Variants in BAALC observed in about 807,000 individuals in gnomAD.
BAALC encodes brain and acute leukemia cytoplasmic protein.
Under a neutral mutation model 15.5 loss-of-function variants are expected in BAALC, and 9 were observed. The observed-to-expected ratio is 0.58, with a 90% CI of 0.35 to 1.02. The LOEUF (loss-of-function observed/expected upper bound fraction) is 1.02. Ranked by LOEUF, BAALC falls within the 50% of genes least tolerant of loss-of-function variation. The probability of loss-of-function intolerance (pLI) is 0.02; values close to 1 mark genes in which losing one functional copy is unlikely to be tolerated. For missense variants in BAALC, 201 were observed against 192.4 expected (o/e 1.04, Z -0.27); for synonymous variants, 80 against 74.6 (o/e 1.07, Z -0.37).
At chr8:103,158,876 C>T (rs1811160787) in intron 1 of BAALC, among the ~76,000 whole-genome samples, 1 of 152,008 alleles carries the variant, frequency 6.6e-6, no homozygotes, top group Admixed American at 6.6e-5. Context: ...ATGGAACCTG[C>T]AGGGAGGGAG....
At chr8:103,171,612 T>G (rs1291940770) in intron 1 of BAALC, among the ~76,000 whole-genome samples, 1 of 152,200 alleles carries the variant, frequency 6.6e-6, no homozygotes. Context: ...GCAGTTGCCC[T>G]GGGGCTATAG....
intron 1 of BAALC, among the ~76,000 whole-genome samples, chr8:103,151,093 C>T (rs1000573214): frequency 1.3e-5 from 2 of 151,348 alleles, no homozygotes; most frequent in African/African-American, 2.4e-5. Flanking sequence ...TCTTAGCTCA[C>T]TGCAACCTCT....
At chr8:103,193,740 C>A (rs775545789) in intron 1 of BAALC, among the ~76,000 whole-genome samples, 1 of 152,146 alleles carries the variant, frequency 6.6e-6, no homozygotes, top group Non-Finnish European at 1.5e-5. Context: ...GTAAATATGG[C>A]ACATGGTCAA....
intron 1 of BAALC, among the ~76,000 whole-genome samples, chr8:103,146,467 G>A (rs573879331): frequency 6.6e-6 from 1 of 152,312 alleles, no homozygotes; most frequent in Admixed American, 6.5e-5. Context: ...GTCTGCTTCC[G>A]TCAAGGATGA....
chr8:103,223,316 A>G (rs1478112981), intron 2 of BAALC, among the ~76,000 whole-genome samples: 1 of 106,406 alleles, frequency 9.4e-6, no homozygotes, highest in Non-Finnish European at 2.4e-5. Flanking sequence ...AAACAAAACA[A>G]AACAAACAAA....
intron 1 of BAALC, among the ~76,000 whole-genome samples, chr8:103,159,077 A>AG (rs1278282641): frequency 6.6e-6 from 1 of 152,204 alleles, no homozygotes; most frequent in Non-Finnish European, 1.5e-5. Context: ...AATTGAAAAA[A>AG]GTTTCTGTAT....
intron 1 of BAALC, among the ~76,000 whole-genome samples, chr8:103,162,052 C>T (rs1014003325): frequency 6.6e-6 from 1 of 152,166 alleles, no homozygotes; most frequent in Non-Finnish European, 1.5e-5. Context: ...CCTTGATCTC[C>T]TAGTCTCAAG....
chr8:103,215,023 T>C (rs1812527222), intron 2 of BAALC: 1 of 152,216 alleles, frequency 6.6e-6, no homozygotes, highest in Non-Finnish European at 1.5e-5. Context: ...CAGGCCCAGA[T>C]ATTTGTCTTC....
chr8:103,218,873 CAG>C (rs1812618423), intron 2 of BAALC, among the ~76,000 whole-genome samples: 1 of 152,158 alleles, frequency 6.6e-6, no homozygotes, highest in African/African-American at 2.4e-5. Context: ...TGAAGGTCCA[CAG>C]AGATAGGAGA....
chr8:103,198,594 A>G (rs1563651084), intron 1 of BAALC, among the ~76,000 whole-genome samples: 1 of 152,174 alleles, frequency 6.6e-6, no homozygotes, highest in Non-Finnish European at 1.5e-5. Flanking sequence ...TAACATAGAT[A>G]TAATATAGTT....
chr8:103,216,155 A>G (rs2130074922), intron 2 of BAALC, among the ~76,000 whole-genome samples: 1 of 152,310 alleles, frequency 6.6e-6, no homozygotes, highest in East Asian at 1.9e-4. Flanking sequence ...ATACACTGCA[A>G]TTTACCCATT....
rs1318751487 is a variant in BAALC, at chr8:103,228,189, C to T, written c.*90C>T. 3 of 853,690 alleles carry T rather than the reference C, an allele frequency of 3.5e-6. No homozygotes were observed. Among genetic ancestry groups the T allele is most frequent in the East Asian group, 5.2e-5 (2 of 38,674 alleles). The allele number at this position is 853,690 out of a possible 1,614,324, so 52.9% of individuals were successfully genotyped here. ...AAAGAACCTTGAAGAAGTGGCTGCC[C>T]CTTGCTGGACCTGAATTCTACTGAG... On this transcript the variant is annotated 3_prime_UTR_variant, in exon 3 of 3. Transcript: ENST00000309982.
In BAALC at chr8:103,212,818, GT is replaced by G. The variant is rs574978649; in HGVS notation, c.161-95del. 4,531 of 1,337,962 alleles carry G rather than the reference GT, an allele frequency of 3.4e-3. 22 individuals carry two copies. Among genetic ancestry groups the G allele is most frequent in the Non-Finnish European group, 4.2e-3 (4,163 of 991,172 alleles). The allele number at this position is 1,337,962 out of a possible 1,614,324, so 82.9% of individuals were successfully genotyped here. A position where few individuals can be genotyped will look rare whatever the true frequency, so the allele number is the denominator to read the frequency against. On this transcript the variant is annotated intron_variant, in intron 1 of 2. Coordinates refer to ENST00000309982, the MANE Select transcript of BAALC (RefSeq NM_024812.3). ...CATGGTGGGATTTCTGGCAACTTTT[GT>G]TTTTTCATTTTGACTATCTGTTTCT...
intron 1 of BAALC, among the ~76,000 whole-genome samples, chr8:103,195,806 A>G (rs1029971493): frequency 4.6e-5 from 7 of 152,192 alleles, no homozygotes; most frequent in African/African-American, 1.7e-4. Context: ...GCAACCAGCT[A>G]AACAGTTCAA....
intron 1 of BAALC, among the ~76,000 whole-genome samples, chr8:103,163,283 C>T (rs912368227): frequency 6.6e-6 from 1 of 152,116 alleles, no homozygotes; most frequent in African/African-American, 2.4e-5. Flanking sequence ...CAGTTCTCTT[C>T]TCTTATCCAG....
chr8:103,147,103 G>A (rs1237610658), intron 1 of BAALC, among the ~76,000 whole-genome samples: 1 of 152,212 alleles, frequency 6.6e-6, no homozygotes, highest in Non-Finnish European at 1.5e-5. Flanking sequence ...ATCTAGCTGT[G>A]CAAATGAAGC....
chr8:103,174,216 G>A (rs148184729), intron 1 of BAALC, among the ~76,000 whole-genome samples: 1 of 145,350 alleles, frequency 6.9e-6, no homozygotes, highest in East Asian at 2.1e-4. Context: ...AGGACAAATG[G>A]ACAAATTCCA....
At chr8:103,195,296 GT>G (rs1812067040) in intron 1 of BAALC, among the ~76,000 whole-genome samples, 1 of 152,178 alleles carries the variant, frequency 6.6e-6, no homozygotes, top group South Asian at 2.1e-4. Context: ...AGCTCTTCCT[GT>G]AAGCTGAGTT....
chr8:103,183,246 C>A, intron 1 of BAALC: 1 of 665,364 alleles, frequency 1.5e-6, no homozygotes, highest in Admixed American at 2.1e-5. Flanking sequence ...GCAAGATGGC[C>A]AAGAGTCCTT....
Sources: gnomAD v4.1 joint callset for allele counts (sites outside exome capture counted in the v4.1 genomes callset) on GRCh38, gnomAD v4.1.1 for gene constraint, MANE v1.5 for transcripts, NCBI Gene and HGNC (gene_info 2026-07-23, HGNC 2026-07-21) for gene names.